SLC44A5: variants seen among roughly 807,000 people sequenced by gnomAD.
SLC44A5 encodes solute carrier family 44 member 5.
A neutral mutation model predicts 101.8 loss-of-function variants in SLC44A5; 57 were observed. The ratio of observed to expected loss-of-function variants is 0.56; its 90% CI spans 0.45 to 0.70. SLC44A5 has a LOEUF of 0.70. Ranked by LOEUF, SLC44A5 falls within the 30% of genes least tolerant of loss-of-function variation. SLC44A5 has a pLI of 0.00. For missense variants in SLC44A5, 737 were observed against 853.1 expected (o/e 0.86, Z 1.70); for synonymous variants, 281 against 290.9 (o/e 0.97, Z 0.35).
intron 2 of SLC44A5, among the ~76,000 whole-genome samples, chr1:75,498,528 T>C (rs1668788635): frequency 6.6e-6 from 1 of 152,182 alleles, no homozygotes; most frequent in Non-Finnish European, 1.5e-5. Context: ...TTTAACATAA[T>C]AGCAATTTTT....
At chr1:75,418,298 A>G (rs772366798) in intron 2 of SLC44A5, among the ~76,000 whole-genome samples, 6 of 152,236 alleles carry the variant, frequency 3.9e-5, no homozygotes, top group Non-Finnish European at 7.3e-5. Context: ...CGTACAAAAT[A>G]GATACAATTT....
chr1:75,422,606 T>C (rs1664075273), intron 2 of SLC44A5, among the ~76,000 whole-genome samples: 1 of 152,232 alleles, frequency 6.6e-6, no homozygotes, highest in African/African-American at 2.4e-5. Context: ...GACATATTTA[T>C]ATTACCAATA....
At chr1:75,545,639 G>A (rs2101965538) in intron 1 of SLC44A5, among the ~76,000 whole-genome samples, 1 of 152,174 alleles carries the variant, frequency 6.6e-6, no homozygotes, top group East Asian at 1.9e-4. Flanking sequence ...TTTTCATTCT[G>A]TAATTAATAA....
chr1:75,224,647 G>A (rs976703253), intron 13 of SLC44A5, among the ~76,000 whole-genome samples: 2 of 151,808 alleles, frequency 1.3e-5, no homozygotes, highest in African/African-American at 2.4e-5. Flanking sequence ...TGTTGCCCAG[G>A]CTGGTCTTGA....
At chr1:75,483,050 C>T (rs1667961188) in intron 2 of SLC44A5, among the ~76,000 whole-genome samples, 1 of 152,172 alleles carries the variant, frequency 6.6e-6, no homozygotes, top group Non-Finnish European at 1.5e-5. Flanking sequence ...TTAATATTTA[C>T]TGAGCTGCTT....
intron 4 of SLC44A5, among the ~76,000 whole-genome samples, chr1:75,327,272 G>A (rs1204489918): frequency 6.6e-6 from 1 of 152,080 alleles, no homozygotes; most frequent in Non-Finnish European, 1.5e-5. Context: ...AGTGTGATCT[G>A]AATTCAAAAG....
intron 1 of SLC44A5, among the ~76,000 whole-genome samples, chr1:75,555,191 G>A (rs1040642630): frequency 6.6e-6 from 1 of 152,054 alleles, no homozygotes; most frequent in African/African-American, 2.4e-5. Context: ...ACTAAATAAT[G>A]TTAATTTATA....
chr1:75,692,086 T>G, the SLC44A5 span, among the ~76,000 whole-genome samples: 1 of 151,202 alleles, frequency 6.6e-6, no homozygotes, highest in South Asian at 2.1e-4. Flanking sequence ...ATCCTGCTAA[T>G]GGGAATGATC....
At chr1:75,391,428 C>A (rs1454004487) in intron 3 of SLC44A5, among the ~76,000 whole-genome samples, 1 of 152,132 alleles carries the variant, frequency 6.6e-6, no homozygotes, top group Non-Finnish European at 1.5e-5. Flanking sequence ...AAGTTGGCAT[C>A]ACATTACCCA....
chr1:75,722,889 A>G, the SLC44A5 span, among the ~76,000 whole-genome samples: 1 of 152,224 alleles, frequency 6.6e-6, no homozygotes, highest in Non-Finnish European at 1.5e-5. Context: ...TGGCCGTAAT[A>G]AAGAAATCAA....
At chr1:75,553,352 A>C (rs1037814054) in intron 1 of SLC44A5, among the ~76,000 whole-genome samples, 4 of 152,162 alleles carry the variant, frequency 2.6e-5, no homozygotes, top group Non-Finnish European at 5.9e-5. Flanking sequence ...TCAATATCTC[A>C]GCTGCCACAA....
At chr1:75,241,935 C>T (rs370745573) in intron 9 of SLC44A5, 66 bp downstream of exon 9, 29 of 1,367,648 alleles carry the variant, frequency 2.1e-5, no homozygotes, top group East Asian at 1.2e-4. Flanking sequence ...TTGTGAAATA[C>T]GGGAACTTAA....
At chr1:75,233,078 G>A (rs1014577932) in intron 12 of SLC44A5, among the ~76,000 whole-genome samples, 4 of 152,018 alleles carry the variant, frequency 2.6e-5, no homozygotes, top group African/African-American at 9.7e-5. Flanking sequence ...AAGACTGAAA[G>A]GAAGCTTCCA....
intron 18 of SLC44A5, 75 bp from the exon 19 acceptor site, chr1:75,215,932 C>A: frequency 1.2e-6 from 1 of 800,310 alleles, no homozygotes; most frequent in Non-Finnish European, 2.0e-6. Context: ...TATAATACAA[C>A]ATTTAAAATG....
intron 3 of SLC44A5, among the ~76,000 whole-genome samples, chr1:75,351,560 C>T (rs116721183): frequency 0.016 from 2,459 of 152,034 alleles, 61 homozygotes; most frequent in African/African-American, 0.048. Flanking sequence ...GGTATTTTTA[C>T]GTTATTGGAA....
In SLC44A5 at chr1:75,273,332, G is replaced by A. The variant is rs142653847; in HGVS notation, c.260+1626C>T. ...TGTGATCATATCATCAGCAAACAGT[G>A]ACAGTTTGACTTCCTCTTTTCCAAC... On this transcript the variant is annotated intron_variant, in intron 6 of 23. Transcript: ENST00000370859. 2.9e-4 allele frequency among the ~76,000 whole-genome samples: 44 copies of A among 152,194 alleles called. No homozygotes were observed. The East Asian group carries it at 5.8e-3, about 20-fold the overall frequency.
chr1:75,616,650 G>A, the SLC44A5 span, among the ~76,000 whole-genome samples: 34 of 152,320 alleles, frequency 2.2e-4, no homozygotes, highest in African/African-American at 8.2e-4. Flanking sequence ...GAGCCCCGAA[G>A]CGCGCGGTTG....
chr1:75,571,088 G>A (rs185400273), intron 1 of SLC44A5, among the ~76,000 whole-genome samples: 8 of 152,250 alleles, frequency 5.3e-5, no homozygotes, highest in Admixed American at 4.6e-4. Context: ...TCCACCACAA[G>A]CGCTAATAAT....
chr1:75,582,324 A>T, intron 1 of SLC44A5: 1 of 1,438,518 alleles, frequency 7.0e-7, no homozygotes, highest in African/African-American at 1.4e-5. Context: ...GCCCTGGTAA[A>T]GCCCAAGGAA....
Sources: gnomAD v4.1 joint callset for allele counts (sites outside exome capture counted in the v4.1 genomes callset) on GRCh38, gnomAD v4.1.1 for gene constraint, MANE v1.5 for transcripts, NCBI Gene and HGNC (gene_info 2026-07-23, HGNC 2026-07-21) for gene names.